BCL2: variants seen among roughly 807,000 people sequenced by gnomAD.
The protein encoded by BCL2 is apoptosis regulator Bcl-2.
A neutral mutation model predicts 14.2 loss-of-function variants in BCL2; 1 was observed. The ratio of observed to expected loss-of-function variants is 0.07; its 90% CI spans 0.02 to 0.33. The LOEUF (loss-of-function observed/expected upper bound fraction) is 0.33, where lower values mean the gene tolerates loss of function less well. BCL2 is among the 10% of genes least tolerant of loss of function. BCL2 has a pLI of 0.99. For synonymous variants in BCL2, 151 were observed against 137.2 expected, an observed-to-expected ratio of 1.10 and a Z score of -0.70; for missense variants, 247 against 305.9, an observed-to-expected ratio of 0.81 and a Z score of 1.44.
chr18:63,189,565 T>C lies in BCL2; in HGVS notation c.586-60806A>G, dbSNP rs367664696. Among the ~76,000 whole-genome samples the C allele has an allele frequency of 2.3e-4, 35 of 152,268 alleles. No individual in the cohort carries two copies. The South Asian group carries it at 3.9e-3, about 17-fold the overall frequency. On this transcript the variant is annotated intron_variant, in intron 2 of 2. Coordinates refer to ENST00000333681, the MANE Select transcript of BCL2 (RefSeq NM_000633.3). ...AAACTGAGTCAAGTCATCTTGTATG[T>C]ACTGAATGTTTTTCTGCGTTAGGCT...
chr18:63,217,154 T>A (rs546322630), intron 2 of BCL2, among the ~76,000 whole-genome samples: 11 of 152,308 alleles, frequency 7.2e-5, no homozygotes, highest in Admixed American at 2.0e-4. Flanking sequence ...CTGAAGCAGA[T>A]GTAATATAAC....
At chr18:63,249,192 G>A (rs1911234896) in intron 2 of BCL2, among the ~76,000 whole-genome samples, 1 of 152,122 alleles carries the variant, frequency 6.6e-6, no homozygotes, top group Admixed American at 6.5e-5. Flanking sequence ...TTTGGAGAGG[G>A]CATCCTGGGG....
chr18:63,227,297 T>G (rs1398125904), intron 2 of BCL2, among the ~76,000 whole-genome samples: 3 of 152,240 alleles, frequency 2.0e-5, no homozygotes, highest in Non-Finnish European at 4.4e-5. Context: ...AAATCCTTAA[T>G]GAAATAGCTA....
intron 2 of BCL2, among the ~76,000 whole-genome samples, chr18:63,217,779 T>G (rs988897012): frequency 6.6e-6 from 1 of 152,228 alleles, no homozygotes; most frequent in Non-Finnish European, 1.5e-5. Flanking sequence ...TAGAAACCTT[T>G]TGATCTCTGG....
At chr18:63,192,068 GT>G (rs1379440107) in intron 2 of BCL2, among the ~76,000 whole-genome samples, 2 of 152,188 alleles carry the variant, frequency 1.3e-5, no homozygotes, top group African/African-American at 4.8e-5. Context: ...GACAGGCATG[GT>G]CCCTGCTTTC....
intron 2 of BCL2, among the ~76,000 whole-genome samples, chr18:63,182,356 CAG>C (rs1915495978): frequency 6.6e-6 from 1 of 152,202 alleles, no homozygotes. Context: ...CGGTTTGAAA[CAG>C]AGCCCTGTGA....
intron 2 of BCL2, among the ~76,000 whole-genome samples, chr18:63,204,470 C>T (rs770580713): frequency 4.6e-5 from 7 of 152,154 alleles, no homozygotes; most frequent in Non-Finnish European, 8.8e-5. Flanking sequence ...GCACATATTC[C>T]AACTGAGGTC....
chr18:63,296,963 A>G (rs1054941990), intron 2 of BCL2, among the ~76,000 whole-genome samples: 1 of 152,244 alleles, frequency 6.6e-6, no homozygotes, highest in African/African-American at 2.4e-5. Context: ...CTGTAATCCC[A>G]GCACTTTGGG....
intron 2 of BCL2, among the ~76,000 whole-genome samples, chr18:63,218,631 A>ATCC (rs1244560347): frequency 3.7e-3 from 6 of 1,618 alleles, no homozygotes; most frequent in Admixed American, 0.015. Context: ...CACTCATCCC[A>ATCC]TCCACTCATC....
rs1407545147 is a variant in BCL2, at chr18:63,239,730, ACT to A, written c.585+78350_585+78351del. ...ACTCCAGCCTGGGAGACAGAGAGAG[ACT>A]CTGTCTCAAAAAAAAAAAAAAATCA... On this transcript the variant is annotated intron_variant, in intron 2 of 2. Transcript: ENST00000333681. 2.1e-5 allele frequency among the ~76,000 whole-genome samples: 3 copies of A among 145,402 alleles called. No homozygotes were observed. The East Asian group carries it at 6.1e-4, about 30-fold the overall frequency.
chr18:63,183,991 G>A (rs1007792297), intron 2 of BCL2, among the ~76,000 whole-genome samples: 5 of 152,204 alleles, frequency 3.3e-5, no homozygotes, highest in African/African-American at 1.2e-4. Flanking sequence ...CAGGACCACA[G>A]TGGCACAGAC....
chr18:63,196,211 A>G (rs1279025819), intron 2 of BCL2, among the ~76,000 whole-genome samples: 1 of 152,230 alleles, frequency 6.6e-6, no homozygotes, highest in African/African-American at 2.4e-5. Context: ...ATGAACCACA[A>G]AGAATCTTTC....
intron 2 of BCL2, among the ~76,000 whole-genome samples, chr18:63,147,480 T>C (rs1914542460): frequency 6.6e-6 from 1 of 152,036 alleles, no homozygotes; most frequent in Non-Finnish European, 1.5e-5. Flanking sequence ...CTAGAGGGGA[T>C]TTTACTAGAA....
chr18:63,234,245 TG>T (rs747357769), intron 2 of BCL2, among the ~76,000 whole-genome samples: 2 of 152,172 alleles, frequency 1.3e-5, no homozygotes, highest in Non-Finnish European at 2.9e-5. Flanking sequence ...TCCCTCCTCC[TG>T]CCCCCTCCAA....
intron 2 of BCL2, among the ~76,000 whole-genome samples, chr18:63,182,443 C>T (rs374684295): frequency 7.2e-5 from 11 of 152,218 alleles, no homozygotes; most frequent in Non-Finnish European, 1.5e-4. Flanking sequence ...ACCAGCTGAC[C>T]GCATGGAGCG....
At chr18:63,267,721 A>G (rs144356636) in intron 2 of BCL2, among the ~76,000 whole-genome samples, 128 of 152,286 alleles carry the variant, frequency 8.4e-4, no homozygotes, top group African/African-American at 2.9e-3. Context: ...TAATACTGAA[A>G]GTTCTGGACT....
rs190544333 is a variant in BCL2, at chr18:63,191,752, G to A, written c.586-62993C>T. Among the ~76,000 whole-genome samples, 157 of 152,248 alleles carry A rather than the reference G, an allele frequency of 1.0e-3. 4 individuals carry two copies. The South Asian group carries it at 0.029, about 28-fold the overall frequency. On this transcript the variant is annotated intron_variant, in intron 2 of 2. Transcript: ENST00000333681. ...TGTGCCAGAGAGTAGGTTTTAGGCC[G>A]GTGCATTTGCAAATCACTGGAAAAA...
intron 2 of BCL2, among the ~76,000 whole-genome samples, chr18:63,174,334 G>A (rs755114859): frequency 2.6e-5 from 4 of 151,978 alleles, no homozygotes; most frequent in Non-Finnish European, 5.9e-5. Context: ...TTTCTAGTAC[G>A]CATGGACGGG....
intron 2 of BCL2, among the ~76,000 whole-genome samples, chr18:63,258,384 C>G (rs747333764): frequency 6.6e-6 from 1 of 152,186 alleles, no homozygotes; most frequent in African/African-American, 2.4e-5. Flanking sequence ...GAACTTTCAA[C>G]AAAGCTGGGA....
Sources: allele counts gnomAD v4.1 joint callset (sites outside exome capture counted in the v4.1 genomes callset), GRCh38; gene constraint gnomAD v4.1.1; transcripts MANE v1.5; gene names NCBI Gene and HGNC (gene_info 2026-07-23, HGNC 2026-07-21).